Variants in IL1RAPL2 observed in about 807,000 individuals in gnomAD.
IL1RAPL2 encodes interleukin 1 receptor accessory protein like 2, also known as X-linked interleukin-1 receptor accessory protein-like 2.
In IL1RAPL2, 3 loss-of-function variants were observed where a neutral mutation model predicts 44.1. The observed-to-expected ratio is 0.07, with a 90% CI of 0.03 to 0.18. IL1RAPL2 has a LOEUF of 0.18. Ranked by LOEUF, IL1RAPL2 falls within the 10% of genes least tolerant of loss-of-function variation. The pLI, the probability that IL1RAPL2 is intolerant of heterozygous loss-of-function variation, is 1.00. For synonymous variants in IL1RAPL2, 181 were observed against 178.8 expected (o/e 1.01, Z -0.10); for missense variants, 391 against 496.4 (o/e 0.79, Z 2.02).
intron 2 of IL1RAPL2, among the ~76,000 whole-genome samples, chrX:104,976,893 G>A (rs2030346720): frequency 1.9e-4 from 2 of 10,272 alleles, no homozygotes; most frequent in South Asian, 0.029. Context: ...TGCCAAAGGA[G>A]CCAAAGCCAA....
intron 1 of IL1RAPL2, among the ~76,000 whole-genome samples, chrX:104,631,827 C>T (rs1929656951): frequency 9.1e-6 from 1 of 110,312 alleles, no homozygotes; most frequent in Non-Finnish European, 1.9e-5. Flanking sequence ...TTTTGCTGTG[C>T]AGAAGCTCTT....
chrX:104,885,420 G>GAA (rs963247559), intron 2 of IL1RAPL2, among the ~76,000 whole-genome samples: 4 of 111,854 alleles, frequency 3.6e-5, no homozygotes, highest in Admixed American at 9.5e-5. Context: ...GGGAAAGGAA[G>GAA]AAAATCCTTC....
chrX:104,825,010 G>C (rs1235431107), intron 2 of IL1RAPL2, among the ~76,000 whole-genome samples: 11 of 111,612 alleles, frequency 9.9e-5, no homozygotes. Context: ...AAATCTCATA[G>C]GGAATATACC....
intron 3 of IL1RAPL2, among the ~76,000 whole-genome samples, chrX:105,229,979 A>G (rs2034053009): frequency 9.0e-6 from 1 of 111,382 alleles, no homozygotes; most frequent in Admixed American, 9.5e-5. Flanking sequence ...TTGTATTTTT[A>G]GTAGAGACGG....
chrX:104,953,736 T>C (rs763017438), intron 2 of IL1RAPL2, among the ~76,000 whole-genome samples: 68 of 111,848 alleles, frequency 6.1e-4, no homozygotes, highest in Non-Finnish European at 1.1e-3. Context: ...ATCAACATAA[T>C]ACATGTTCTA....
chrX:104,967,039 A>C (rs772351775), intron 2 of IL1RAPL2, among the ~76,000 whole-genome samples: 1 of 112,382 alleles, frequency 8.9e-6, no homozygotes, highest in Non-Finnish European at 1.9e-5. Context: ...CCTAATATCC[A>C]AGATTTGTAC....
chrX:105,527,353 A>AC (rs2036601277), intron 6 of IL1RAPL2, among the ~76,000 whole-genome samples: 1 of 110,870 alleles, frequency 9.0e-6, no homozygotes, highest in Non-Finnish European at 1.9e-5. Flanking sequence ...AATAATGGCC[A>AC]GTTGTGGATC....
At chrX:105,323,897 GAC>G (rs756657204) in intron 5 of IL1RAPL2, among the ~76,000 whole-genome samples, 9 of 95,166 alleles carry the variant, frequency 9.5e-5, no homozygotes, top group East Asian at 6.0e-4. Context: ...CACACACACA[GAC>G]ACACACACAC....
At chrX:105,468,997 G>T (rs1358057710) in intron 5 of IL1RAPL2, among the ~76,000 whole-genome samples, 1 of 111,715 alleles carries the variant, frequency 9.0e-6, no homozygotes, top group Non-Finnish European at 1.9e-5. Context: ...AACTGCAAAA[G>T]CACAGTCTTA....
chrX:104,687,710 C>T (rs889363037), intron 2 of IL1RAPL2, among the ~76,000 whole-genome samples: 1 of 111,156 alleles, frequency 9.0e-6, no homozygotes, highest in African/African-American at 3.3e-5. Flanking sequence ...TTGCCCTGGC[C>T]TTATCTTGTC....
chrX:105,333,078 A>G (rs1018202644), intron 5 of IL1RAPL2, among the ~76,000 whole-genome samples: 11 of 111,797 alleles, frequency 9.8e-5, no homozygotes, highest in Non-Finnish European at 1.5e-4. Flanking sequence ...AGCAAAAACA[A>G]CAAAACTGGA....
intron 2 of IL1RAPL2, among the ~76,000 whole-genome samples, chrX:104,938,744 C>T (rs1482679351): frequency 9.1e-6 from 1 of 109,535 alleles, no homozygotes; most frequent in East Asian, 2.9e-4. Flanking sequence ...CTGGCCGTGG[C>T]GTTTAATTGG....
chrX:104,956,251 G>C (rs1216174945), intron 2 of IL1RAPL2, among the ~76,000 whole-genome samples: 1 of 111,797 alleles, frequency 8.9e-6, no homozygotes, highest in Non-Finnish European at 1.9e-5. Context: ...GCTTCTAACA[G>C]TCCCAGCAGC....
At chrX:105,118,968 C>T (rs916455137) in intron 2 of IL1RAPL2, among the ~76,000 whole-genome samples, 2 of 111,532 alleles carry the variant, frequency 1.8e-5, no homozygotes, top group African/African-American at 3.3e-5. Context: ...AGTGGTTAGC[C>T]GTGCCAGTGT....
chrX:105,755,295 A>C lies in IL1RAPL2; in HGVS notation c.1311A>C (p.Lys437Asn). Residue 437 changes from lysine (K) to asparagine (N), a missense_variant, in exon 10 of 11, where the codon AAA (lysine) becomes AAC (asparagine). Around this residue, in one of 2 missense-constraint regions of IL1RAPL2, gnomAD observed 232 missense variants for 244.8 expected, o/e 0.95. Coordinates refer to ENST00000372582, the MANE Select transcript of IL1RAPL2 (RefSeq NM_017416.2). The part of the protein sequence containing the change: ...ALEVLPDVLE[K>N]HYGYKLFIPE... Reference sequence around the variant, plus strand: ...AAGTACTGCCAGATGTCCTGGAAAAACACTATGGATATAAACTCTTCATCC... The same window carrying C: ...AAGTACTGCCAGATGTCCTGGAAAACCACTATGGATATAAACTCTTCATCC... 1 of 1,206,056 alleles carries C rather than the reference A, an allele frequency of 8.3e-7. No homozygotes were observed. Among genetic ancestry groups the C allele is most frequent in the Non-Finnish European group, 1.1e-6 (1 of 890,691 alleles).
chrX:105,595,600 T>C (rs1439843110), intron 6 of IL1RAPL2, among the ~76,000 whole-genome samples: 1 of 110,578 alleles, frequency 9.0e-6, no homozygotes, highest in Non-Finnish European at 1.9e-5. Context: ...TTTTTTGTTG[T>C]TGTTGTTTGT....
At chrX:104,933,127 C>A (rs930255888) in intron 2 of IL1RAPL2, among the ~76,000 whole-genome samples, 1 of 111,875 alleles carries the variant, frequency 8.9e-6, no homozygotes. Context: ...ACCACTCATA[C>A]CATGCTGCTA....
At chrX:104,576,752 A>G (rs769345481) in intron 1 of IL1RAPL2, among the ~76,000 whole-genome samples, 1 of 111,654 alleles carries the variant, frequency 9.0e-6, no homozygotes, top group Non-Finnish European at 1.9e-5. Flanking sequence ...ATCTGATTCT[A>G]GACTCATTAT....
intron 7 of IL1RAPL2, among the ~76,000 whole-genome samples, chrX:105,735,565 T>A (rs1249696694): frequency 9.0e-6 from 1 of 111,313 alleles, no homozygotes; most frequent in Non-Finnish European, 1.9e-5. Flanking sequence ...ACTCTTGTCT[T>A]CTATTCTGGA....
Sources: allele counts gnomAD v4.1 joint callset (sites outside exome capture counted in the v4.1 genomes callset), GRCh38; gene constraint gnomAD v4.1.1; regional missense constraint gnomAD v4.1.1; transcripts MANE v1.5; gene names NCBI Gene and HGNC (gene_info 2026-07-23, HGNC 2026-07-21).